Variants in LONP1 observed in about 807,000 individuals in gnomAD.
The protein encoded by LONP1 is lon protease homolog, mitochondrial.
A neutral mutation model predicts 98.5 loss-of-function variants in LONP1; 31 were observed. The ratio of observed to expected loss-of-function variants is 0.31; its 90% CI spans 0.24 to 0.42. LONP1 has a LOEUF of 0.42. Ranked by LOEUF, LONP1 falls within the 20% of genes least tolerant of loss-of-function variation. LONP1 has a pLI of 1.00. For synonymous variants in LONP1, 781 were observed against 594.7 expected (o/e 1.31, Z -4.56); for missense variants, 1,336 against 1,350.6 (o/e 0.99, Z 0.17).
rs201029843 is a variant in LONP1 at position 5,711,985 on chromosome 19, T to A, written c.656A>T (p.Gln219Leu). ...CGGCTCCTCGGGCTCCACCTCCAGC[T>A]GTCTGCTGATATGGACTCTGACACG... ...MGHRRVHISR[Q>L]LEVEPEEPEA... Residue 219 changes from glutamine (Q) to leucine (L), a missense_variant, in exon 4 of 18, where the codon CAG becomes CTG. By Grantham distance (113) the Gln-to-Leu change is moderately radical (BLOSUM62 -2). Transcript: ENST00000360614. 1.8e-4 allele frequency: 287 copies of A among 1,612,790 alleles called. 1 individual carries two copies. The highest frequency in any genetic ancestry group is 1.3e-4 in the Admixed American group (8 of 59,988).
chr19:5,705,161 TAAAA>T (rs796726965), intron 8 of LONP1, among the ~76,000 whole-genome samples: 1 of 126,162 alleles, frequency 7.9e-6, no homozygotes, highest in Non-Finnish European at 1.7e-5. Context: ...GACTCTGTCT[TAAAA>T]AAAAAAAAAA....
chr19:5,699,564 T>TC (rs1568316449), intron 9 of LONP1, among the ~76,000 whole-genome samples: 3 of 149,324 alleles, frequency 2.0e-5, no homozygotes, highest in Non-Finnish European at 4.5e-5. Context: ...TGTTTTTTTT[T>TC]TTTTTTTTTT....
Position 5,701,958 on chromosome 19 carries a change from G to C in LONP1, c.1368-1031C>G, listed in dbSNP as rs193243841. 3.1e-3 allele frequency among the ~76,000 whole-genome samples: 464 copies of C among 151,546 alleles called. 2 individuals are homozygous for C. The highest frequency in any genetic ancestry group is 0.01 in the African/African-American group (432 of 41,324). On this transcript the variant is annotated intron_variant, in intron 8 of 17. Transcript: ENST00000360614. Reference sequence around the variant, plus strand: ...CCCGGCCGCGACCCCGTCTGGGAGGGGAAGAGCGTCTCTGCCCGGCAGCCC... The same window carrying C: ...CCCGGCCGCGACCCCGTCTGGGAGGCGAAGAGCGTCTCTGCCCGGCAGCCC...
Position 5,714,277 on chromosome 19 carries a change from A to G in LONP1, c.430-6T>C, listed in dbSNP as rs762245116. 8.1e-6 allele frequency: 13 copies of G among 1,601,866 alleles called. No homozygotes were observed. In the African/African-American group the frequency reaches 1.3e-4, roughly 16 times the overall value. On this transcript the variant is annotated splice_polypyrimidine_tract_variant and splice_region_variant and intron_variant, in intron 1 of 17. Transcript: ENST00000360614. ...ACCAACTTCTTATTTTTAACCTAGC[A>G]TGACAATGACCCCAAAGTGAAATGC...
chr19:5,715,466 A>AC (rs1348409089), intron 1 of LONP1, among the ~76,000 whole-genome samples: 1 of 150,102 alleles, frequency 6.7e-6, no homozygotes, highest in Non-Finnish European at 1.5e-5. Flanking sequence ...ACACGGTGAA[A>AC]CCCCGTCTCT....
intron 15 of LONP1, 40 bp downstream of exon 15, chr19:5,694,347 T>C (rs773501987): frequency 1.2e-5 from 20 of 1,601,838 alleles, no homozygotes; most frequent in Non-Finnish European, 1.5e-5. Flanking sequence ...CGGGTAGAAA[T>C]GGGAATGGCT....
At chr19:5,692,238 TGGGCCTGTGGGAGGGCAGCA>T in intron 17 of LONP1, 30 bp from the exon 18 acceptor site, 1 of 1,582,628 alleles carries the variant, frequency 6.3e-7, no homozygotes, top group East Asian at 2.3e-5. Flanking sequence ...CAGCCCTGCC[TGGGCCTGTGGGAGGGCAGCA>T]GGTGTGCTAA....
intron 10 of LONP1, among the ~76,000 whole-genome samples, chr19:5,697,285 T>C (rs1476628312): frequency 6.6e-6 from 1 of 151,658 alleles, no homozygotes; most frequent in Admixed American, 6.6e-5. Context: ...ATGGAGGGAC[T>C]GAGATGCCAC....
At chr19:5,696,867 T>TGTG (rs1462628501) in intron 10 of LONP1, 110 bp from the exon 11 acceptor site, 1 of 695,930 alleles carries the variant, frequency 1.4e-6, no homozygotes, top group Admixed American at 2.7e-5. Flanking sequence ...CCCCACAAGA[T>TGTG]GTGGCCATGA....
intron 17 of LONP1, among the ~76,000 whole-genome samples, chr19:5,692,452 AG>A (rs1272294520): frequency 1.3e-5 from 2 of 152,004 alleles, no homozygotes; most frequent in Non-Finnish European, 2.9e-5. Flanking sequence ...CCCCTTATCT[AG>A]GAAGTCTGGC....
chr19:5,719,700 T>C lies in LONP1; in HGVS notation c.429+4A>G, dbSNP rs562660235. The C allele has an allele frequency of 6.2e-7, 1 of 1,613,788 alleles. No individual in the cohort carries two copies. Among genetic ancestry groups the C allele is most frequent in the South Asian group, 1.1e-5 (1 of 91,090 alleles). On this transcript the variant is annotated splice_donor_region_variant and intron_variant, in intron 1 of 17. Transcript: ENST00000360614. ...CCTGAGGCCGAGGCGGGGACTCCCA[T>C]TACCTCGATAATCTTGATAAAGCGC... is the stretch of plus-strand genomic sequence containing the variant.
At chr19:5,703,832 A>T (rs745791911) in intron 8 of LONP1, among the ~76,000 whole-genome samples, 1 of 151,972 alleles carries the variant, frequency 6.6e-6, no homozygotes, top group Non-Finnish European at 1.5e-5. Context: ...GGACCTGAGG[A>T]CAGAACCCGC....
intron 8 of LONP1, among the ~76,000 whole-genome samples, chr19:5,703,664 C>T (rs756565192): frequency 6.0e-5 from 9 of 151,066 alleles, no homozygotes; most frequent in African/African-American, 1.2e-4. Context: ...CTGGGCCACA[C>T]GGATGCTGGA....
At chr19:5,692,768 G>A (rs2054851338) in intron 17 of LONP1, among the ~76,000 whole-genome samples, 1 of 152,184 alleles carries the variant, frequency 6.6e-6, no homozygotes, top group Admixed American at 6.5e-5. Context: ...TGTGCCTGGT[G>A]TCCAATTCAA....
At chr19:5,708,055 G>A (rs537668964) in intron 5 of LONP1, 12 of 616,046 alleles carry the variant, frequency 1.9e-5, no homozygotes, top group Admixed American at 8.9e-5. Context: ...CACGGGAGCC[G>A]TGCAGTGACC....
intron 11 of LONP1, 64 bp downstream of exon 11, chr19:5,696,606 G>T (rs934344386): frequency 2.0e-5 from 29 of 1,478,276 alleles, no homozygotes; most frequent in African/African-American, 2.8e-5. Flanking sequence ...GACCCGGAAG[G>T]CTCGGCTTCA....
rs2145578773 is a variant in LONP1 at position 5,694,392 on chromosome 19, G to A, written c.2315C>T (p.Ala772Val). Residue 772 changes from alanine to valine, a missense_variant, in exon 15 of 18, where the codon GCA becomes GTA. Transcript: ENST00000360614. ...TCTCCCGCCACCACGCTCACCCATT[G>A]CGGTCCAGGCCAGCCCCATGACCAC... ...PGVVMGLAWT[A>V]MGGSTLFVET... 6.2e-7 allele frequency: 1 copy of A among 1,612,936 alleles called. No homozygotes were observed. The highest frequency in any genetic ancestry group is 1.7e-5 in the Admixed American group (1 of 60,000).
At chr19:5,695,474 G>C (rs2054909234) in intron 13 of LONP1, among the ~76,000 whole-genome samples, 1 of 152,196 alleles carries the variant, frequency 6.6e-6, no homozygotes, top group Non-Finnish European at 1.5e-5. Flanking sequence ...CCGTCCCTTG[G>C]AGAAGTCAGG....
rs2054832707 is a variant in LONP1, at chr19:5,692,033, C to T, written c.2879G>A (p.Ter960=). 5 of 1,341,046 alleles carry T rather than the reference C, an allele frequency of 3.7e-6. No individual in the cohort carries two copies. Among genetic ancestry groups the T allele is most frequent in the Non-Finnish European group, 5.2e-6 (5 of 970,332 alleles). The allele number at this position is 1,341,046 out of a possible 1,614,324, so 83.1% of individuals were successfully genotyped here. ...CCGCCTGCAGTCCCGGGGTGGCCGT[C>T]ACCGTTCCACGGCCAGCGCCTCTGC... The part of the protein sequence containing the change: ...EQAEALAVER[*] The change falls in exon 18 of 18, where the codon TGA becomes TAA. Residue 960 remains the stop codon, a stop_retained_variant. Coordinates refer to ENST00000360614, the MANE Select transcript of LONP1 (RefSeq NM_004793.4).
Sources: allele counts gnomAD v4.1 joint callset (sites outside exome capture counted in the v4.1 genomes callset), GRCh38; gene constraint gnomAD v4.1.1; transcripts MANE v1.5; gene names NCBI Gene and HGNC (gene_info 2026-07-23, HGNC 2026-07-21).